Variants in SH3GL3 observed in about 807,000 individuals in gnomAD.
SH3GL3 encodes endophilin-A3.
In SH3GL3, 33 loss-of-function variants were observed where a neutral mutation model predicts 47.7. That is an observed-to-expected ratio of 0.69 (90% CI 0.52 to 0.92). The LOEUF (loss-of-function observed/expected upper bound fraction) is 0.92. Ranked by LOEUF, SH3GL3 falls within the 40% of genes least tolerant of loss-of-function variation. The pLI is 0.00. For synonymous variants in SH3GL3, 155 were observed against 148.8 expected, an observed-to-expected ratio of 1.04 and a Z score of -0.30; for missense variants, 363 against 417.8, an observed-to-expected ratio of 0.87 and a Z score of 1.14.
intron 1 of SH3GL3, among the ~76,000 whole-genome samples, chr15:83,502,608 G>C (rs906622474): frequency 1.3e-5 from 2 of 152,186 alleles, no homozygotes. Context: ...ACCTGGGTTG[G>C]AGTGCAGTGT....
chr15:83,539,649 CAGAT>C (rs1364628963), intron 1 of SH3GL3, among the ~76,000 whole-genome samples: 2 of 152,046 alleles, frequency 1.3e-5, no homozygotes, highest in African/African-American at 4.8e-5. Flanking sequence ...GATTCTTTGT[CAGAT>C]AGATGTGTGG....
At chr15:83,627,168 C>T in the SH3GL3 span, among the ~76,000 whole-genome samples, 10 of 152,154 alleles carry the variant, frequency 6.6e-5, no homozygotes, top group East Asian at 9.7e-4. Flanking sequence ...GAGGCCGAGG[C>T]GGGCGGATCA....
chr15:83,479,998 T>C (rs1193157049), intron 1 of SH3GL3, among the ~76,000 whole-genome samples: 1 of 152,258 alleles, frequency 6.6e-6, no homozygotes, highest in Non-Finnish European at 1.5e-5. Flanking sequence ...TTTTATTATT[T>C]TGTGATTATT....
At chr15:83,450,500 C>T (rs2039688426) in intron 1 of SH3GL3, among the ~76,000 whole-genome samples, 1 of 151,938 alleles carries the variant, frequency 6.6e-6, no homozygotes, top group Non-Finnish European at 1.5e-5. Context: ...TCCTTTTTTC[C>T]TGATACCTTC....
intron 8 of SH3GL3, among the ~76,000 whole-genome samples, chr15:83,615,980 CT>C (rs1567041086): frequency 3.9e-5 from 6 of 152,008 alleles, no homozygotes; most frequent in Non-Finnish European, 8.8e-5. Flanking sequence ...AGTTTGACTG[CT>C]TATACTCTTC....
chr15:83,565,539 A>AT (rs550054152), intron 3 of SH3GL3: 24 of 216,308 alleles, frequency 1.1e-4, no homozygotes, highest in Admixed American at 3.6e-4. Context: ...CCTCTTTATA[A>AT]TTTTTTTAAA....
chr15:83,458,990 A>G (rs745980964), intron 1 of SH3GL3, among the ~76,000 whole-genome samples: 55 of 152,216 alleles, frequency 3.6e-4, no homozygotes, highest in Non-Finnish European at 7.3e-4. Context: ...TGAGTCCCCA[A>G]ACCTCAAAAG....
At chr15:83,520,790 A>C (rs912183138) in intron 1 of SH3GL3, among the ~76,000 whole-genome samples, 8 of 152,220 alleles carry the variant, frequency 5.3e-5, no homozygotes, top group African/African-American at 1.9e-4. Context: ...GGTAGATTTT[A>C]GATGCTCTTA....
Position 83,568,648 on chromosome 15 carries a change from G to A in SH3GL3, c.307G>A (p.Glu103Lys), listed in dbSNP as rs1209443424. Residue 103 changes from glutamate (E) to lysine (K), a missense_variant, in exon 4 of 9, where the codon GAG becomes AAG. Transcript: ENST00000427482. ...GGACTGTATGCTGAAATACGGGAAGGAGCTCGGGGAAGACTCCACCTTTGG... is the reference window on the plus strand; with the variant it reads ...GGACTGTATGCTGAAATACGGGAAGAAGCTCGGGGAAGACTCCACCTTTGG... ...LGDCMLKYGKELGEDSTFGNA... is the reference protein window; with the variant it reads ...LGDCMLKYGKKLGEDSTFGNA... The A allele has an allele frequency of 6.2e-7, 1 of 1,613,928 alleles. No homozygotes were observed. The highest frequency in any genetic ancestry group is 2.2e-5 in the East Asian group (1 of 44,860).
chr15:83,602,421 A>T (rs920760077), intron 8 of SH3GL3, among the ~76,000 whole-genome samples: 1 of 152,166 alleles, frequency 6.6e-6, no homozygotes, highest in African/African-American at 2.4e-5. Context: ...GGTGCCTGGT[A>T]GAGGCCATTC....
At chr15:83,449,576 G>A (rs2039633487) in intron 1 of SH3GL3, among the ~76,000 whole-genome samples, 1 of 152,226 alleles carries the variant, frequency 6.6e-6, no homozygotes, top group African/African-American at 2.4e-5. Flanking sequence ...GTTGGTTTCT[G>A]ACAGTAACCA....
chr15:83,608,105 ATTAAGG>A (rs2060575058), intron 8 of SH3GL3, among the ~76,000 whole-genome samples: 1 of 152,182 alleles, frequency 6.6e-6, no homozygotes, highest in South Asian at 2.1e-4. Flanking sequence ...GAAGATTGGC[ATTAAGG>A]TTAACATAAA....
intron 6 of SH3GL3, among the ~76,000 whole-genome samples, chr15:83,586,190 C>A (rs758278380): frequency 6.6e-6 from 1 of 152,206 alleles, no homozygotes; most frequent in Non-Finnish European, 1.5e-5. Flanking sequence ...CTTAATTAAT[C>A]TCTTTCCTGT....
At position 83,477,951 on chromosome 15, in the gene SH3GL3, A is replaced by G. The variant is rs1407285427; in HGVS notation, c.45+30373A>G. On this transcript the variant is annotated intron_variant, in intron 1 of 8. Coordinates refer to ENST00000427482, the MANE Select transcript of SH3GL3 (RefSeq NM_003027.5). ...CCCATAGACTTAGGTAAAAGAGGAT[A>G]TAATCCATGAGATGCTTTTATTTTG... is the stretch of plus-strand genomic sequence containing the variant. Among the ~76,000 whole-genome samples, 4 of 152,344 alleles carry G rather than the reference A, an allele frequency of 2.6e-5. No individual in the cohort carries two copies. The East Asian group carries it at 7.7e-4, about 29-fold the overall frequency.
At chr15:83,590,326 A>G (rs1031459975) in intron 8 of SH3GL3, among the ~76,000 whole-genome samples, 38 of 151,230 alleles carry the variant, frequency 2.5e-4, no homozygotes, top group Non-Finnish European at 5.0e-4. Context: ...TTTGCTTGTG[A>G]CTTTACATTT....
intron 1 of SH3GL3, among the ~76,000 whole-genome samples, chr15:83,525,351 C>CGCGTGTGTGT (rs1555488734): frequency 4.7e-5 from 7 of 148,104 alleles, no homozygotes; most frequent in African/African-American, 1.5e-4. Context: ...ATTCTTTGTG[C>CGCGTGTGTGT]GTGTGTGTGT....
At chr15:83,554,242 C>G (rs981693259) in intron 1 of SH3GL3, among the ~76,000 whole-genome samples, 3 of 151,988 alleles carry the variant, frequency 2.0e-5, no homozygotes, top group African/African-American at 7.3e-5. Flanking sequence ...GACTGGAGTG[C>G]AATGGCGCGA....
chr15:83,458,123 C>T (rs1305317885), intron 1 of SH3GL3, among the ~76,000 whole-genome samples: 3 of 152,178 alleles, frequency 2.0e-5, no homozygotes, highest in Admixed American at 1.3e-4. Context: ...CACTGTTCGG[C>T]TAAATAGTGA....
intron 1 of SH3GL3, among the ~76,000 whole-genome samples, chr15:83,511,691 C>T (rs974002449): frequency 6.6e-6 from 1 of 152,136 alleles, no homozygotes; most frequent in Non-Finnish European, 1.5e-5. Flanking sequence ...TCTCAGTCAG[C>T]TGCTTTGTCT....
Sources: allele counts gnomAD v4.1 joint callset (sites outside exome capture counted in the v4.1 genomes callset), GRCh38; gene constraint gnomAD v4.1.1; transcripts MANE v1.5; gene names NCBI Gene and HGNC (gene_info 2026-07-23, HGNC 2026-07-21).